The following CRB1 variants were observed in gnomAD, a reference collection of about 807,000 sequenced individuals.
CRB1 encodes the protein protein crumbs homolog 1.
Under a neutral mutation model 120.0 loss-of-function variants are expected in CRB1, and 83 were observed. The ratio of observed to expected loss-of-function variants is 0.69; its 90% CI spans 0.58 to 0.83. The LOEUF is 0.83. Ranked by LOEUF, CRB1 falls within the 40% of genes least tolerant of loss-of-function variation. The pLI, the probability that CRB1 is intolerant of heterozygous loss-of-function variation, is 0.00. For missense variants in CRB1, 1,699 were observed against 1,687.6 expected (o/e 1.01, Z -0.12); for synonymous variants, 625 against 612.5 (o/e 1.02, Z -0.30).
intron 5 of CRB1, among the ~76,000 whole-genome samples, chr1:197,415,465 A>G (rs1327094444): frequency 1.3e-5 from 2 of 152,076 alleles, no homozygotes; most frequent in African/African-American, 4.8e-5. Context: ...GCTACATTTA[A>G]CCTTTGTGTG....
intron 11 of CRB1, among the ~76,000 whole-genome samples, chr1:197,471,435 A>G: frequency 6.6e-6 from 1 of 152,174 alleles, no homozygotes. Context: ...GAGCAGCCAG[A>G]TGAAGAGATG....
intron 11 of CRB1, among the ~76,000 whole-genome samples, chr1:197,461,400 C>G (rs1007129028): frequency 6.6e-6 from 1 of 152,056 alleles, no homozygotes; most frequent in Admixed American, 6.6e-5. Context: ...AAAATGCACA[C>G]CTTTGTAAAG....
At chr1:197,417,901 A>C (rs1431066972) in intron 5 of CRB1, among the ~76,000 whole-genome samples, 1 of 152,206 alleles carries the variant, frequency 6.6e-6, no homozygotes, top group Admixed American at 6.5e-5. Context: ...TTAGCCTAGC[A>C]GACAAAGACG....
At chr1:197,442,637 C>T (rs932176110) in intron 11 of CRB1, 1 of 899,590 alleles carries the variant, frequency 1.1e-6, no homozygotes, top group East Asian at 2.9e-5. Flanking sequence ...CTTAATATAA[C>T]TAGAAATATC....
At chr1:197,271,131 C>G (rs1331479697) in intron 1 of CRB1, among the ~76,000 whole-genome samples, 1 of 151,890 alleles carries the variant, frequency 6.6e-6, no homozygotes, top group East Asian at 1.9e-4. Flanking sequence ...ACTGGAAGGT[C>G]GAGACTGCTG....
At chr1:197,390,402 G>C (rs763078620) in intron 5 of CRB1, among the ~76,000 whole-genome samples, 8 of 152,168 alleles carry the variant, frequency 5.3e-5, no homozygotes, top group Admixed American at 1.3e-4. Flanking sequence ...CAGTGGGAAG[G>C]GTGCTTATAT....
At chr1:197,357,212 G>C in intron 5 of CRB1, 199 bp downstream of exon 5, 1 of 661,960 alleles carries the variant, frequency 1.5e-6, no homozygotes, top group Non-Finnish European at 2.7e-6. Context: ...AAATATTAAA[G>C]AGGGATAAAG....
At chr1:197,361,492 T>C (rs998115871) in intron 5 of CRB1, among the ~76,000 whole-genome samples, 3 of 152,074 alleles carry the variant, frequency 2.0e-5, no homozygotes, top group African/African-American at 7.2e-5. Context: ...CCTTTTTTTT[T>C]CTAAAAATTG....
chr1:197,317,232 ACATGGTGAAACC>A (rs1163530177), intron 1 of CRB1, among the ~76,000 whole-genome samples: 1 of 152,180 alleles, frequency 6.6e-6, no homozygotes, highest in African/African-American at 2.4e-5. Context: ...AGCCTGACCA[ACATGGTGAAACC>A]CCATCTCTAC....
Position 197,435,188 on chromosome 1 carries a change from T to C in CRB1, c.3325T>C (p.Tyr1109His). The C allele has an allele frequency of 6.2e-7, 1 of 1,613,946 alleles. No individual in the cohort carries two copies. Among genetic ancestry groups the C allele is most frequent in the Non-Finnish European group, 8.5e-7 (1 of 1,179,858 alleles). ...AGAAATCGGAGGCATTTATCTCTCT[T>C]ACTTTGAAAATGTTCATGGTTTCAT... ...TIEIGGIYLS[Y>H]FENVHGFINK... The change falls in exon 9 of 12, where the codon TAC becomes CAC. Residue 1109 changes from tyrosine to histidine, a missense_variant. Tyr to His is a moderately conservative substitution (Grantham distance 83). Coordinates refer to ENST00000367400, the MANE Select transcript of CRB1 (RefSeq NM_201253.3).
chr1:197,299,411 C>A (rs775173779), intron 1 of CRB1, among the ~76,000 whole-genome samples: 1 of 152,004 alleles, frequency 6.6e-6, no homozygotes, highest in Non-Finnish European at 1.5e-5. Context: ...ATGCATGTAT[C>A]CATTGGCATA....
chr1:197,320,545 A>G, intron 1 of CRB1, among the ~76,000 whole-genome samples: 1 of 152,156 alleles, frequency 6.6e-6, no homozygotes, highest in South Asian at 2.1e-4. Context: ...GATCAAGGGG[A>G]ATTTATGACA....
intron 5 of CRB1, among the ~76,000 whole-genome samples, chr1:197,388,009 T>C (rs536552397): frequency 2.6e-4 from 40 of 152,070 alleles, no homozygotes; most frequent in Non-Finnish European, 5.0e-4. Context: ...TCTATATATA[T>C]ATATATATGC....
intron 5 of CRB1, among the ~76,000 whole-genome samples, chr1:197,412,053 G>C (rs1663739364): frequency 6.6e-6 from 1 of 152,250 alleles, no homozygotes; most frequent in African/African-American, 2.4e-5. Flanking sequence ...CTGTAAAGGA[G>C]TGTGTGAAAG....
chr1:197,267,203 C>CT (rs1208034393), upstream of CRB1, among the ~76,000 whole-genome samples: 1 of 152,050 alleles, frequency 6.6e-6, no homozygotes, highest in Non-Finnish European at 1.5e-5. Flanking sequence ...ATCTGAAATT[C>CT]TTTTACTCTA....
chr1:197,381,465 G>T (rs1661952826), intron 5 of CRB1, among the ~76,000 whole-genome samples: 1 of 152,052 alleles, frequency 6.6e-6, no homozygotes, highest in African/African-American at 2.4e-5. Flanking sequence ...TTTTCTTTAA[G>T]TCCTTACAGT....
intron 5 of CRB1, among the ~76,000 whole-genome samples, chr1:197,396,446 A>AT (rs961558056): frequency 2.0e-4 from 30 of 151,600 alleles, no homozygotes; most frequent in South Asian, 1.5e-3. Flanking sequence ...TATCAATAGG[A>AT]TTTTTTTTTG....
chr1:197,435,262 G>A lies in CRB1; in HGVS notation c.3399G>A (p.Val1133=). 1 of 1,613,834 alleles carries A rather than the reference G, an allele frequency of 6.2e-7. No homozygotes were observed. Residue 1133 remains valine, a synonymous_variant, in exon 9 of 12, where the codon GTG becomes GTA. Transcript: ENST00000367400. Reference sequence around the variant, plus strand: ...TTCTCAAAATCTCTACCAATTCAGTGGTCACTGGCTGTTTGCAGTTAAATG... The same window carrying A: ...TTCTCAAAATCTCTACCAATTCAGTAGTCACTGGCTGTTTGCAGTTAAATG... ...EQFLKISTNS[V]VTGCLQLNVC... is the part of the protein sequence containing the mutation.
the CRB1 span, among the ~76,000 whole-genome samples, chr1:197,258,884 G>A: frequency 6.6e-6 from 1 of 152,264 alleles, no homozygotes; most frequent in South Asian, 2.1e-4. Flanking sequence ...TGGTTTATAA[G>A]AATGACTCAA....
Sources: gnomAD v4.1 joint callset for allele counts (sites outside exome capture counted in the v4.1 genomes callset) on GRCh38, gnomAD v4.1.1 for gene constraint, MANE v1.5 for transcripts, NCBI Gene and HGNC (gene_info 2026-07-23, HGNC 2026-07-21) for gene names.